UBE2D2: variants seen among roughly 807,000 people sequenced by gnomAD.
UBE2D2 encodes the protein ubiquitin conjugating enzyme E2 D2.
Under a neutral mutation model 24.2 loss-of-function variants are expected in UBE2D2, and 2 were observed. The ratio of observed to expected loss-of-function variants is 0.08; its 90% CI spans 0.03 to 0.26. UBE2D2 has a LOEUF of 0.26. UBE2D2 is among the 10% of genes least tolerant of loss of function. UBE2D2 has a pLI of 1.00. For missense variants in UBE2D2, 44 were observed against 177.6 expected, an observed-to-expected ratio of 0.25 and a Z score of 4.28; for synonymous variants, 58 against 56.5, an observed-to-expected ratio of 1.03 and a Z score of -0.12.
Position 139,627,093 on chromosome 5 carries a change from T to C in UBE2D2, c.*292T>C, listed in dbSNP as rs1198256428. 2 of 321,988 alleles carry C rather than the reference T, an allele frequency of 6.2e-6. No individual in the cohort carries two copies. The highest frequency in any genetic ancestry group is 1.2e-5 in the Non-Finnish European group (2 of 173,334). 19.9% of individuals were successfully genotyped at this position (321,988 alleles called of 1,614,324 possible). A position where few individuals can be genotyped will look rare whatever the true frequency, so the allele number is the denominator to read the frequency against. On this transcript the variant is annotated 3_prime_UTR_variant, in exon 7 of 7. Transcript: ENST00000398733. Reference sequence around the variant, plus strand: ...AAAAGCTTTTCTTATTGACTTAAATTTGGATAACAGCAAGGTGTGAGGGGG... The same window carrying C: ...AAAAGCTTTTCTTATTGACTTAAATCTGGATAACAGCAAGGTGTGAGGGGG...
intron 1 of UBE2D2, among the ~76,000 whole-genome samples, chr5:139,562,715 A>G (rs1753137807): frequency 6.6e-6 from 1 of 152,140 alleles, no homozygotes; most frequent in Non-Finnish European, 1.5e-5. Flanking sequence ...CTTTAAAGTG[A>G]AGGGTTATTT....
chr5:139,592,193 C>T (rs749793182), intron 1 of UBE2D2, among the ~76,000 whole-genome samples: 6 of 152,102 alleles, frequency 3.9e-5, no homozygotes, highest in Non-Finnish European at 8.8e-5. Flanking sequence ...CAAAGCAAGA[C>T]TCTGTCTTAC....
chr5:139,607,241 T>C (rs1296228495), intron 2 of UBE2D2, among the ~76,000 whole-genome samples: 5 of 152,216 alleles, frequency 3.3e-5, no homozygotes, highest in Non-Finnish European at 5.9e-5. Context: ...TCAGTGGTTT[T>C]AGTAGGTATC....
rs547872076 is a variant in UBE2D2, at chr5:139,572,600, A to G, written c.24+10785A>G. 2.9e-4 allele frequency among the ~76,000 whole-genome samples: 44 copies of G among 152,262 alleles called. No individual in the cohort carries two copies. The South Asian group carries it at 9.1e-3, about 32-fold the overall frequency. Reference sequence around the variant, plus strand: ...CACAGAGCGAGATCTGTCTCTTAAAAAAAAAAATTGACAGCACAAATTACC... The same window carrying G: ...CACAGAGCGAGATCTGTCTCTTAAAGAAAAAAATTGACAGCACAAATTACC... On this transcript the variant is annotated intron_variant, in intron 1 of 6. Coordinates refer to ENST00000398733, the MANE Select transcript of UBE2D2 (RefSeq NM_003339.3).
At chr5:139,568,310 C>T (rs1478771051) in intron 1 of UBE2D2, among the ~76,000 whole-genome samples, 1 of 150,978 alleles carries the variant, frequency 6.6e-6, no homozygotes, top group African/African-American at 2.4e-5. Context: ...CGCCACTGCA[C>T]TCCAGCCTTT....
intron 1 of UBE2D2, among the ~76,000 whole-genome samples, chr5:139,554,077 G>A (rs1752951905): frequency 6.6e-6 from 1 of 152,182 alleles, no homozygotes; most frequent in Non-Finnish European, 1.5e-5. Context: ...ACCACGCCCG[G>A]CCAAGGTTCC....
At chr5:139,540,849 C>T (rs1752750503) in intron 1 of UBE2D2, among the ~76,000 whole-genome samples, 1 of 151,276 alleles carries the variant, frequency 6.6e-6, no homozygotes, top group Non-Finnish European at 1.5e-5. Flanking sequence ...AAAAAATTTG[C>T]TGGGCATGGT....
chr5:139,587,672 CAAA>C (rs766266617), intron 1 of UBE2D2, among the ~76,000 whole-genome samples: 5 of 35,548 alleles, frequency 1.4e-4, no homozygotes, highest in East Asian at 1.8e-3. Context: ...GACCCCATCT[CAAA>C]AAAAAAAAAA....
At chr5:139,601,096 C>T (rs1421722087) in intron 2 of UBE2D2, among the ~76,000 whole-genome samples, 1 of 152,206 alleles carries the variant, frequency 6.6e-6, no homozygotes, top group Non-Finnish European at 1.5e-5. Flanking sequence ...AACCACCACA[C>T]CTGGCCAAAA....
intron 1 of UBE2D2, among the ~76,000 whole-genome samples, chr5:139,566,684 A>G (rs1206080798): frequency 6.6e-6 from 1 of 152,022 alleles, no homozygotes; most frequent in African/African-American, 2.4e-5. Flanking sequence ...CAAACAAACA[A>G]ACAAACAAAA....
intron 2 of UBE2D2, among the ~76,000 whole-genome samples, chr5:139,601,473 T>G (rs1471017232): frequency 1.5e-4 from 23 of 152,156 alleles, no homozygotes; most frequent in Admixed American, 1.5e-3. Flanking sequence ...CCGGGTATGT[T>G]GGTGCATGCT....
chr5:139,564,432 G>A (rs1043564905), intron 1 of UBE2D2, among the ~76,000 whole-genome samples: 3 of 149,492 alleles, frequency 2.0e-5, no homozygotes, highest in Admixed American at 6.7e-5. Context: ...GGGATTATAG[G>A]CGTGAGCTAC....
intron 2 of UBE2D2, among the ~76,000 whole-genome samples, chr5:139,608,290 G>A (rs867910392): frequency 1.3e-5 from 2 of 151,890 alleles, no homozygotes; most frequent in South Asian, 2.1e-4. Context: ...AAAATTAGCC[G>A]GGTGAGGTGT....
chr5:139,555,405 GAAATTATTTGAAAATAATTTGA>G lies in UBE2D2; in HGVS notation c.-64+28804_-64+28825del, dbSNP rs879303659. Among the ~76,000 whole-genome samples the G allele has an allele frequency of 4.9e-4, 74 of 151,620 alleles. No homozygotes were observed. The East Asian group carries it at 9.3e-3, about 19-fold the overall frequency. On this transcript the variant is annotated intron_variant, in intron 1 of 6. Transcript: ENST00000511725. The stretch of plus-strand genomic sequence containing the variant: ...TTTTAACATTATTTGAAAATTATTT[GAAATTATTTGAAAATAATTTGA>G]AAATTATTTGGAAATAATTTGAAAA...
At chr5:139,601,631 C>T (rs971532441) in intron 2 of UBE2D2, among the ~76,000 whole-genome samples, 4 of 150,458 alleles carry the variant, frequency 2.7e-5, no homozygotes, top group African/African-American at 9.8e-5. Flanking sequence ...AAAAACAGGA[C>T]GGGGCGTCAT....
At chr5:139,546,809 T>TTCTTCCTTC (rs1561498142) in intron 1 of UBE2D2, among the ~76,000 whole-genome samples, 2 of 129,044 alleles carry the variant, frequency 1.5e-5, no homozygotes, top group African/African-American at 5.7e-5. Context: ...CTTTCTTTCT[T>TTCTTCCTTC]CTTTCTTTCT....
chr5:139,586,093 A>G (rs776453530), intron 1 of UBE2D2, among the ~76,000 whole-genome samples: 1 of 151,980 alleles, frequency 6.6e-6, no homozygotes, highest in Non-Finnish European at 1.5e-5. Context: ...CCTAAGAAAG[A>G]TAAGTCTATT....
At chr5:139,534,696 A>G (rs527785719) in intron 1 of UBE2D2, among the ~76,000 whole-genome samples, 2 of 152,046 alleles carry the variant, frequency 1.3e-5, no homozygotes, top group Admixed American at 6.6e-5. Flanking sequence ...AGATCATGCC[A>G]TTGCACTCCA....
intron 1 of UBE2D2, chr5:139,562,492 C>T (rs1176533225): frequency 3.2e-5 from 40 of 1,230,916 alleles, no homozygotes; most frequent in Non-Finnish European, 4.2e-5. Flanking sequence ...CTAACACTTC[C>T]GTTTTGCAGG....
Sources: gnomAD v4.1 joint callset for allele counts (sites outside exome capture counted in the v4.1 genomes callset) on GRCh38, gnomAD v4.1.1 for gene constraint, MANE v1.5 for transcripts, NCBI Gene and HGNC (gene_info 2026-07-23, HGNC 2026-07-21) for gene names.